DRD2: variants seen among roughly 807,000 people sequenced by gnomAD.
DRD2 encodes dopamine receptor D2.
A neutral mutation model predicts 38.0 loss-of-function variants in DRD2; 8 were observed. That is an observed-to-expected ratio of 0.21 (90% CI 0.12 to 0.38). The LOEUF (loss-of-function observed/expected upper bound fraction) is 0.38, where lower values mean the gene tolerates loss of function less well. Ranked by LOEUF, DRD2 falls within the 10% of genes least tolerant of loss-of-function variation. DRD2 has a pLI of 1.00. For synonymous variants in DRD2, 230 were observed against 238.6 expected (o/e 0.96, Z 0.33); for missense variants, 403 against 607.7 (o/e 0.66, Z 3.54).
chr11:113,414,212 C>G, intron 6 of DRD2, 163 bp downstream of exon 6: 1 of 761,472 alleles, frequency 1.3e-6, no homozygotes, highest in Non-Finnish European at 2.4e-6. Flanking sequence ...CACTTCATGC[C>G]TGCTTGGAGG....
intron 6 of DRD2, 112 bp from the exon 7 acceptor site, chr11:113,412,995 G>A: frequency 8.2e-7 from 1 of 1,222,324 alleles, no homozygotes; most frequent in Non-Finnish European, 1.1e-6. Flanking sequence ...AAACACCACA[G>A]GGTCACCCTG....
chr11:113,452,029 A>C (rs1591297060), intron 1 of DRD2, among the ~76,000 whole-genome samples: 1 of 151,636 alleles, frequency 6.6e-6, no homozygotes, highest in Admixed American at 6.6e-5. Flanking sequence ...CATTCAACTC[A>C]CACCCCAGCC....
chr11:113,438,298 T>A (rs1177185502), intron 1 of DRD2, among the ~76,000 whole-genome samples: 9 of 152,268 alleles, frequency 5.9e-5, no homozygotes, highest in Admixed American at 4.6e-4. Flanking sequence ...AGTCTTCTCA[T>A]CTGTAACATG....
chr11:113,440,798 G>A (rs1390057748), intron 1 of DRD2, among the ~76,000 whole-genome samples: 1 of 152,216 alleles, frequency 6.6e-6, no homozygotes, highest in Non-Finnish European at 1.5e-5. Context: ...CCAGACTAGA[G>A]CCACCATGCT....
In DRD2 at chr11:113,457,575, A is replaced by AC. The variant is rs1041882965; in HGVS notation, c.-32+17500dup. 7.4e-4 allele frequency among the ~76,000 whole-genome samples: 109 copies of AC among 147,438 alleles called. No individual in the cohort carries two copies. The East Asian group carries it at 8.6e-3, about 12-fold the overall frequency. On this transcript the variant is annotated intron_variant, in intron 1 of 7. Coordinates refer to ENST00000362072, the MANE Select transcript of DRD2 (RefSeq NM_000795.4). ...GCTCCAGAATCCCCTCTCCATTACC[A>AC]CCCCCCCGACCCCCCACTATTTACA... is the stretch of plus-strand genomic sequence containing the variant.
chr11:113,434,903 CA>C (rs1951021775), intron 1 of DRD2, among the ~76,000 whole-genome samples: 1 of 152,190 alleles, frequency 6.6e-6, no homozygotes, highest in Non-Finnish European at 1.5e-5. Flanking sequence ...GAGGCTGGAG[CA>C]CGCACAGTTC....
chr11:113,412,184 G>T (rs1442761110), intron 7 of DRD2: 1 of 314,684 alleles, frequency 3.2e-6, no homozygotes, highest in East Asian at 7.3e-5. Flanking sequence ...TGACAGCCCT[G>T]AGAAGTAACC....
chr11:113,442,625 C>T (rs1229592538), intron 1 of DRD2, among the ~76,000 whole-genome samples: 1 of 152,210 alleles, frequency 6.6e-6, no homozygotes, highest in African/African-American at 2.4e-5. Context: ...TCCTTTTCTT[C>T]CCTGCTGATA....
intron 1 of DRD2, among the ~76,000 whole-genome samples, chr11:113,434,150 G>A (rs1248180442): frequency 6.6e-6 from 1 of 152,170 alleles, no homozygotes; most frequent in Non-Finnish European, 1.5e-5. Context: ...CACAACACGT[G>A]TGCTCCTCGG....
chr11:113,414,200 C>T, intron 6 of DRD2, 175 bp downstream of exon 6: 1 of 737,622 alleles, frequency 1.4e-6, no homozygotes, highest in Non-Finnish European at 2.5e-6. Context: ...ACCGAGGTGT[C>T]TCACTTCATG....
intron 1 of DRD2, among the ~76,000 whole-genome samples, chr11:113,446,414 T>C (rs572751193): frequency 6.6e-6 from 1 of 152,348 alleles, no homozygotes; most frequent in African/African-American, 2.4e-5. Flanking sequence ...CTGGACACTG[T>C]CTTGCACACT....
At position 113,410,647 on chromosome 11, in the gene DRD2, G is replaced by C; in HGVS notation, c.*80C>G. ...GAGGCCGATCCACCCAGGCCTTCCT[G>C]CTCACGGTTCGCAAGGGTGAGGCTG... On this transcript the variant is annotated 3_prime_UTR_variant, in exon 8 of 8. Coordinates refer to ENST00000362072, the MANE Select transcript of DRD2 (RefSeq NM_000795.4). 1.3e-6 allele frequency: 2 copies of C among 1,578,334 alleles called. No homozygotes were observed. The highest frequency in any genetic ancestry group is 1.7e-6 in the Non-Finnish European group (2 of 1,149,530).
chr11:113,436,095 C>A (rs770641720), intron 1 of DRD2, among the ~76,000 whole-genome samples: 10 of 152,280 alleles, frequency 6.6e-5, no homozygotes, highest in East Asian at 1.9e-4. Context: ...ACACCGGGGA[C>A]CTTTCTTTCC....
chr11:113,426,205 C>G (rs186629317), intron 1 of DRD2, among the ~76,000 whole-genome samples: 12 of 152,002 alleles, frequency 7.9e-5, no homozygotes, highest in Admixed American at 7.9e-4. Flanking sequence ...GGGTATGGGA[C>G]AAGCAGGGAG....
chr11:113,434,905 C>T (rs1030253963), intron 1 of DRD2, among the ~76,000 whole-genome samples: 18 of 152,062 alleles, frequency 1.2e-4, no homozygotes, highest in African/African-American at 2.9e-4. Context: ...GGCTGGAGCA[C>T]GCACAGTTCC....
intron 1 of DRD2, among the ~76,000 whole-genome samples, chr11:113,453,752 C>T (rs4581480): frequency 0.78 from 119,109 of 152,170 alleles, 49,352 homozygotes; most frequent in Middle Eastern, 0.94. Context: ...GGCTGGACTC[C>T]CTAAAGACAG....
intron 1 of DRD2, among the ~76,000 whole-genome samples, chr11:113,456,194 A>C (rs1355738025): frequency 6.6e-6 from 1 of 152,234 alleles, no homozygotes; most frequent in African/African-American, 2.4e-5. Flanking sequence ...CCAAGCACAG[A>C]AAGACATTGT....
In DRD2 at chr11:113,423,570, G is replaced by A. The variant is rs1379670556; in HGVS notation, c.285+797C>T. Among the ~76,000 whole-genome samples the A allele has an allele frequency of 7.2e-5, 11 of 152,276 alleles. No individual in the cohort carries two copies. The East Asian group carries it at 7.7e-4, about 11-fold the overall frequency. ...ATTACAGGCGTGAGCCACCGTGCTC[G>A]GCCTGTTTCCTATTTTGTAAAGTGA... is the stretch of plus-strand genomic sequence containing the variant. On this transcript the variant is annotated intron_variant, in intron 2 of 7. Coordinates refer to ENST00000362072, the MANE Select transcript of DRD2 (RefSeq NM_000795.4).
chr11:113,460,772 C>T (rs1951310623), intron 1 of DRD2, among the ~76,000 whole-genome samples: 1 of 152,202 alleles, frequency 6.6e-6, no homozygotes, highest in African/African-American at 2.4e-5. Flanking sequence ...CAGGGAGCTG[C>T]CCAGGGATGA....
Sources: allele counts gnomAD v4.1 joint callset (sites outside exome capture counted in the v4.1 genomes callset), GRCh38; gene constraint gnomAD v4.1.1; transcripts MANE v1.5; gene names NCBI Gene and HGNC (gene_info 2026-07-23, HGNC 2026-07-21).